SLC14A2: variants seen among roughly 807,000 people sequenced by gnomAD.
SLC14A2 encodes the protein urea transporter 2.
In SLC14A2, 91 loss-of-function variants were observed where a neutral mutation model predicts 104.6. That is an observed-to-expected ratio of 0.87 (90% CI 0.73 to 1.04). SLC14A2 has a LOEUF of 1.04. SLC14A2 is among the 50% of genes least tolerant of loss of function. SLC14A2 has a pLI of 0.00. For missense variants in SLC14A2, 1,189 were observed against 1,156.0 expected (o/e 1.03, Z -0.41); for synonymous variants, 476 against 466.4 (o/e 1.02, Z -0.27).
the SLC14A2 span, among the ~76,000 whole-genome samples, chr18:45,204,812 A>T: frequency 7.4e-4 from 22 of 29,766 alleles, no homozygotes; most frequent in African/African-American, 2.0e-3. Context: ...CACTGAGATA[A>T]AAAAAAAAAA....
intron 1 of SLC14A2, among the ~76,000 whole-genome samples, chr18:45,261,481 A>G (rs1428680565): frequency 6.7e-6 from 1 of 149,890 alleles, no homozygotes; most frequent in Non-Finnish European, 1.5e-5. Context: ...ATATGTATAT[A>G]TGTGCCATGC....
At chr18:45,604,099 T>A (rs530583219) in intron 2 of SLC14A2, among the ~76,000 whole-genome samples, 2 of 152,262 alleles carry the variant, frequency 1.3e-5, no homozygotes, top group Non-Finnish European at 2.9e-5. Context: ...CTCACACCTA[T>A]AATTCACTTT....
At chr18:45,288,693 G>C (rs1458908047) in intron 1 of SLC14A2, among the ~76,000 whole-genome samples, 1 of 152,188 alleles carries the variant, frequency 6.6e-6, no homozygotes, top group African/African-American at 2.4e-5. Context: ...CCAATTCTGA[G>C]GGTCAACTGA....
intron 8 of SLC14A2, 53 bp from the exon 9 acceptor site, chr18:45,643,079 C>T: frequency 6.4e-7 from 1 of 1,572,120 alleles, no homozygotes; most frequent in Admixed American, 1.7e-5. Context: ...ATGGCAGTGG[C>T]TTAGGGGGAA....
At chr18:45,650,740 T>G (rs1032888402) in intron 10 of SLC14A2, among the ~76,000 whole-genome samples, 2 of 103,722 alleles carry the variant, frequency 1.9e-5, no homozygotes, top group Non-Finnish European at 3.9e-5. Flanking sequence ...TTTTTTGTCT[T>G]GTTTTGTTTT....
chr18:45,643,972 GC>G lies in SLC14A2; in HGVS notation c.1177-13del. The G allele has an allele frequency of 6.2e-7, 1 of 1,612,874 alleles. No homozygotes were observed. The highest frequency in any genetic ancestry group is 8.5e-7 in the Non-Finnish European group (1 of 1,179,136). Reference sequence around the variant, plus strand: ...CTAGGAAACTTCTTCAGTCCCCAATGCTTTTGTTTCCAGGTGGGCGTGCCAC... The same window carrying G: ...CTAGGAAACTTCTTCAGTCCCCAATGTTTTGTTTCCAGGTGGGCGTGCCAC... On this transcript the variant is annotated splice_polypyrimidine_tract_variant and intron_variant, in intron 9 of 19. Coordinates refer to ENST00000255226, the MANE Select transcript of SLC14A2 (RefSeq NM_007163.4).
In SLC14A2 at chr18:45,562,042, A is replaced by G. The variant is rs80341276; in HGVS notation, c.-34-62589A>G. 7.6e-3 allele frequency among the ~76,000 whole-genome samples: 1,159 copies of G among 152,240 alleles called. 15 individuals carry two copies. Among genetic ancestry groups the G allele is most frequent in the African/African-American group, 0.026 (1,095 of 41,530 alleles). ...ATGCTGCATTGAAATTCCTGTGCCT[A>G]TTTCCTGAGGCACCCAGTTCTCTCT... On this transcript the variant is annotated intron_variant, in intron 2 of 20. Coordinates refer to the SLC14A2 transcript ENST00000586448.
At chr18:45,377,104 G>A (rs1337182806) in intron 1 of SLC14A2, among the ~76,000 whole-genome samples, 2 of 152,148 alleles carry the variant, frequency 1.3e-5, no homozygotes, top group Non-Finnish European at 2.9e-5. Context: ...TTCTAAAGGT[G>A]ATGAAAACAT....
chr18:45,428,365 G>A (rs2086465005), intron 1 of SLC14A2, among the ~76,000 whole-genome samples: 1 of 152,186 alleles, frequency 6.6e-6, no homozygotes, highest in Non-Finnish European at 1.5e-5. Flanking sequence ...AATGATCCAT[G>A]TTTAAGAAGC....
intron 1 of SLC14A2, among the ~76,000 whole-genome samples, chr18:45,423,386 G>A (rs1038581626): frequency 1.3e-5 from 2 of 152,220 alleles, no homozygotes; most frequent in African/African-American, 4.8e-5. Flanking sequence ...GTCCTGGGGA[G>A]AGCCCTTTGC....
intron 1 of SLC14A2, among the ~76,000 whole-genome samples, chr18:45,360,989 T>G (rs1386170585): frequency 1.3e-5 from 2 of 152,172 alleles, no homozygotes; most frequent in Non-Finnish European, 2.9e-5. Context: ...TTCCAATATT[T>G]AAGTCTTTAA....
At chr18:45,215,222 G>A (rs1370304760) in intron 1 of SLC14A2, among the ~76,000 whole-genome samples, 1 of 152,186 alleles carries the variant, frequency 6.6e-6, no homozygotes, top group Non-Finnish European at 1.5e-5. Flanking sequence ...TTAAGATTAA[G>A]AATCAATATT....
At chr18:45,198,765 A>T in the SLC14A2 span, among the ~76,000 whole-genome samples, 15 of 152,166 alleles carry the variant, frequency 9.9e-5, no homozygotes, top group African/African-American at 2.9e-4. Context: ...ACCAAGGAAG[A>T]CCTTAGTATA....
intron 1 of SLC14A2, among the ~76,000 whole-genome samples, chr18:45,387,188 G>A (rs770045060): frequency 6.6e-6 from 1 of 152,092 alleles, no homozygotes; most frequent in African/African-American, 2.4e-5. Context: ...AACCATGTAT[G>A]GCCATCTCTT....
rs9960854 is a variant in SLC14A2, at chr18:45,636,450, G to T, written c.651-540G>T. Among the ~76,000 whole-genome samples the T allele has an allele frequency of 9.0e-3, 1,363 of 152,286 alleles. 18 individuals are homozygous for T. Among genetic ancestry groups the T allele is most frequent in the African/African-American group, 0.032 (1,311 of 41,554 alleles). On this transcript the variant is annotated intron_variant, in intron 5 of 19. Coordinates refer to ENST00000255226, the MANE Select transcript of SLC14A2 (RefSeq NM_007163.4). Reference sequence around the variant, plus strand: ...AAGGAAAAGATGAAGAAGACAGAGGGTACAAACAACTGAAGGTTCTATTTT... The same window carrying T: ...AAGGAAAAGATGAAGAAGACAGAGGTTACAAACAACTGAAGGTTCTATTTT...
intron 1 of SLC14A2, among the ~76,000 whole-genome samples, chr18:45,408,718 A>G (rs2144483990): frequency 6.6e-6 from 1 of 152,320 alleles, no homozygotes; most frequent in African/African-American, 2.4e-5. Flanking sequence ...TTGAAACTAC[A>G]TCGTGAAAAT....
the SLC14A2 span, among the ~76,000 whole-genome samples, chr18:45,205,126 C>A: frequency 6.6e-6 from 1 of 152,184 alleles, no homozygotes; most frequent in Admixed American, 6.5e-5. Flanking sequence ...TGTTGAGACT[C>A]TTTTCCCCAG....
At chr18:45,665,997 C>G in intron 11 of SLC14A2, 140 bp from the exon 12 acceptor site, 2 of 613,918 alleles carry the variant, frequency 3.3e-6, no homozygotes, top group East Asian at 2.7e-5. Flanking sequence ...AGCTGCAAGG[C>G]CCCATGATTC....
chr18:45,430,231 A>G (rs2144547852), intron 1 of SLC14A2, among the ~76,000 whole-genome samples: 1 of 152,270 alleles, frequency 6.6e-6, no homozygotes, highest in South Asian at 2.1e-4. Context: ...CTTTCCCCAA[A>G]TCACATAGTT....
Sources: allele counts gnomAD v4.1 joint callset (sites outside exome capture counted in the v4.1 genomes callset), GRCh38; gene constraint gnomAD v4.1.1; transcripts MANE v1.5; gene names NCBI Gene and HGNC (gene_info 2026-07-23, HGNC 2026-07-21).